The following DCAF6 variants were observed in gnomAD, a reference collection of about 807,000 sequenced individuals.
DCAF6 encodes the protein DDB1- and CUL4-associated factor 6.
In DCAF6, 54 loss-of-function variants were observed where a neutral mutation model predicts 125.1. That is an observed-to-expected ratio of 0.43 (90% CI 0.35 to 0.54). DCAF6 has a LOEUF of 0.54. Among genes scored for constraint, DCAF6 ranks in the 20% least tolerant of loss-of-function variants. DCAF6 has a pLI of 0.01. For missense variants in DCAF6, 934 were observed against 1,161.7 expected (o/e 0.80, Z 2.85); for synonymous variants, 371 against 390.4 (o/e 0.95, Z 0.58).
At chr1:168,047,625 A>G (rs2101821920) in intron 16 of DCAF6, among the ~76,000 whole-genome samples, 1 of 152,164 alleles carries the variant, frequency 6.6e-6, no homozygotes, top group Non-Finnish European at 1.5e-5. Context: ...TTATTTATGA[A>G]TAAGAGAGAA....
chr1:168,025,758 C>A (rs1686258029), intron 12 of DCAF6, among the ~76,000 whole-genome samples: 1 of 152,162 alleles, frequency 6.6e-6, no homozygotes. Flanking sequence ...CTATTCTCTA[C>A]CGGCAGCCAG....
At chr1:167,900,467 T>C in the DCAF6 span, among the ~76,000 whole-genome samples, 2 of 152,084 alleles carry the variant, frequency 1.3e-5, no homozygotes, top group Admixed American at 6.6e-5. Context: ...CCTTGGGTAC[T>C]AACTTAGAAA....
At chr1:168,048,481 C>A (rs895502019) in intron 16 of DCAF6, among the ~76,000 whole-genome samples, 2 of 152,028 alleles carry the variant, frequency 1.3e-5, no homozygotes, top group African/African-American at 2.4e-5. Context: ...CAGAACAGTT[C>A]CTTGCAATAC....
At chr1:168,050,161 C>T (rs1689729655) in intron 16 of DCAF6, among the ~76,000 whole-genome samples, 1 of 151,640 alleles carries the variant, frequency 6.6e-6, no homozygotes, top group Admixed American at 6.6e-5. Context: ...GATGATCTAA[C>T]AATTTTTTCC....
At chr1:167,953,719 C>T (rs202271) in intron 2 of DCAF6, among the ~76,000 whole-genome samples, 4,458 of 152,200 alleles carry the variant, frequency 0.029, 167 homozygotes, top group African/African-American at 0.084. Flanking sequence ...CCGCTGCAGC[C>T]TCCCGAGTAG....
chr1:167,992,862 A>G (rs1350510693), intron 6 of DCAF6, among the ~76,000 whole-genome samples: 2 of 152,248 alleles, frequency 1.3e-5, no homozygotes, highest in Admixed American at 6.5e-5. Context: ...TAGTATGCTA[A>G]TAAGTATTAG....
At chr1:168,009,490 A>G (rs970515025) in intron 10 of DCAF6, among the ~76,000 whole-genome samples, 7 of 83,290 alleles carry the variant, frequency 8.4e-5, no homozygotes, top group African/African-American at 3.2e-4. Context: ...CCCTTCCTTC[A>G]CTTCTTCCCT....
At chr1:167,968,597 A>C (rs1316445228) in intron 3 of DCAF6, 2 of 152,364 alleles carry the variant, frequency 1.3e-5, no homozygotes, top group African/African-American at 4.8e-5. Context: ...TCGGGTGTTG[A>C]ACTGTTCATT....
the DCAF6 span, among the ~76,000 whole-genome samples, chr1:167,868,194 T>G: frequency 6.6e-6 from 1 of 152,094 alleles, no homozygotes; most frequent in African/African-American, 2.4e-5. Context: ...GCCGAGCATG[T>G]AGCCCAGTCT....
At chr1:167,950,079 G>A (rs1316384947) in intron 1 of DCAF6, among the ~76,000 whole-genome samples, 2 of 152,166 alleles carry the variant, frequency 1.3e-5, no homozygotes, top group African/African-American at 4.8e-5. Context: ...TGCTAAAACA[G>A]CTTACTTTAT....
upstream of DCAF6, among the ~76,000 whole-genome samples, chr1:167,935,487 G>C (rs138490924): frequency 6.6e-6 from 1 of 152,320 alleles, no homozygotes; most frequent in Non-Finnish European, 1.5e-5. Context: ...GGTTGGAGTC[G>C]TGCGTAAGGG....
chr1:167,872,843 G>A, the DCAF6 span, among the ~76,000 whole-genome samples: 7 of 150,864 alleles, frequency 4.6e-5, no homozygotes, highest in East Asian at 1.9e-4. Context: ...AGGCCAAGGC[G>A]GGCAGATCAC....
the DCAF6 span, among the ~76,000 whole-genome samples, chr1:167,884,815 A>G: frequency 1.3e-5 from 2 of 150,324 alleles, no homozygotes; most frequent in African/African-American, 2.5e-5. Context: ...CTCCTGCCTC[A>G]GCTTCCAGAG....
Position 168,044,974 on chromosome 1 carries a change from T to C in DCAF6, c.2005T>C (p.Ser669Pro), listed in dbSNP as rs1435641270. 2 of 1,614,002 alleles carry C rather than the reference T, an allele frequency of 1.2e-6. No homozygotes were observed. Among genetic ancestry groups the C allele is most frequent in the Admixed American group, 1.7e-5 (1 of 59,996 alleles). Reference sequence around the variant, plus strand: ...AAGAAATGACCTCAATCTTGATCGCTCTTGTGGGGTTCCAGAAGAATCTGC... The same window carrying C: ...AAGAAATGACCTCAATCTTGATCGCCCTTGTGGGGTTCCAGAAGAATCTGC... Reference protein sequence around the residue: ...GERNDLNLDRSCGVPEESASS... With the variant: ...GERNDLNLDRPCGVPEESASS... Residue 669 changes from serine to proline, a missense_variant, in exon 16 of 22, where the codon TCT (serine) becomes CCT (proline). Physicochemically the swap from Ser to Pro is moderately conservative, Grantham distance 74. Coordinates refer to ENST00000367840, the MANE Select transcript of DCAF6 (RefSeq NM_001198956.2).
the DCAF6 span, among the ~76,000 whole-genome samples, chr1:167,905,885 A>C: frequency 6.6e-6 from 1 of 152,226 alleles, no homozygotes. Context: ...CTGCTGGGGC[A>C]GATTAAATGC....
intron 8 of DCAF6, 80 bp from the exon 9 acceptor site, chr1:168,003,790 C>A: frequency 3.2e-6 from 4 of 1,259,606 alleles, no homozygotes; most frequent in Non-Finnish European, 4.4e-6. Context: ...CATTTTAAAG[C>A]CCTTCAAATC....
intron 1 of DCAF6, 151 bp downstream of exon 1, chr1:167,937,159 C>T (rs986472317): frequency 1.2e-5 from 8 of 648,160 alleles, no homozygotes; most frequent in Middle Eastern, 2.7e-4. Context: ...TGCCGAATTC[C>T]GTGCCGGTGC....
intron 20 of DCAF6, among the ~76,000 whole-genome samples, chr1:168,067,128 A>G (rs1196559158): frequency 1.3e-5 from 2 of 152,208 alleles, no homozygotes; most frequent in African/African-American, 4.8e-5. Context: ...ACTATTTCTT[A>G]TGAAAATGAG....
intron 1 of DCAF6, among the ~76,000 whole-genome samples, chr1:167,943,140 A>T (rs1204829603): frequency 1.3e-5 from 2 of 152,072 alleles, no homozygotes; most frequent in African/African-American, 4.8e-5. Flanking sequence ...CGATCTCCTG[A>T]CCTTGTGATC....
Sources: gnomAD v4.1 joint callset for allele counts (sites outside exome capture counted in the v4.1 genomes callset) on GRCh38, gnomAD v4.1.1 for gene constraint, MANE v1.5 for transcripts, NCBI Gene and HGNC (gene_info 2026-07-23, HGNC 2026-07-21) for gene names.